Variants in NUDT3 observed in about 807,000 individuals in gnomAD.
NUDT3 encodes diphosphoinositol polyphosphate phosphohydrolase 1.
A neutral mutation model predicts 23.6 loss-of-function variants in NUDT3; 9 were observed. That is an observed-to-expected ratio of 0.38 (90% CI 0.23 to 0.66). The LOEUF (loss-of-function observed/expected upper bound fraction) is 0.66. Among genes scored for constraint, NUDT3 ranks in the 30% least tolerant of loss-of-function variants. The probability of loss-of-function intolerance (pLI) is 0.52; values close to 1 mark genes in which losing one functional copy is unlikely to be tolerated. For synonymous variants in NUDT3, 86 were observed against 82.6 expected (o/e 1.04, Z -0.22); for missense variants, 172 against 218.5 (o/e 0.79, Z 1.34).
At chr6:34,342,912 C>A (rs562161748) in intron 1 of NUDT3, among the ~76,000 whole-genome samples, 11 of 152,292 alleles carry the variant, frequency 7.2e-5, no homozygotes, top group African/African-American at 2.6e-4. Flanking sequence ...TTCCAGTCAT[C>A]CCCAGCCTCT....
intron 1 of NUDT3, among the ~76,000 whole-genome samples, chr6:34,354,499 G>C (rs1273802291): frequency 1.3e-5 from 2 of 151,744 alleles, no homozygotes; most frequent in African/African-American, 4.8e-5. Context: ...GAGGCAGATG[G>C]ATTTCTTGAG....
intron 1 of NUDT3, among the ~76,000 whole-genome samples, chr6:34,367,945 G>GT (rs1375559788): frequency 2.0e-5 from 3 of 152,218 alleles, no homozygotes; most frequent in Non-Finnish European, 4.4e-5. Flanking sequence ...GCTCACGCCT[G>GT]TAATTCCAGC....
chr6:34,328,417 T>C (rs765383665), intron 2 of NUDT3, among the ~76,000 whole-genome samples: 4 of 152,250 alleles, frequency 2.6e-5, no homozygotes, highest in Non-Finnish European at 4.4e-5. Flanking sequence ...CCCACTCCAC[T>C]ATAGCTTACC....
intron 1 of NUDT3, among the ~76,000 whole-genome samples, chr6:34,369,740 A>G (rs1336029203): frequency 1.3e-5 from 2 of 152,082 alleles, no homozygotes; most frequent in Non-Finnish European, 1.5e-5. Context: ...TCTACTGAAT[A>G]TTATAACTTA....
rs918727235 is a variant in NUDT3, at chr6:34,355,041, T to C, written c.100-13069A>G. ...ATTTCTCATTCATGCCTTACTGAAC[T>C]GGCTGGGGCTTCCAGAATAATGTTG... On this transcript the variant is annotated intron_variant, in intron 1 of 4. Coordinates refer to ENST00000607016, the MANE Select transcript of NUDT3 (RefSeq NM_006703.4). Among the ~76,000 whole-genome samples, 97 of 152,006 alleles carry C rather than the reference T, an allele frequency of 6.4e-4. 1 individual carries two copies. Among genetic ancestry groups the C allele is most frequent in the Non-Finnish European group, 8.8e-5 (6 of 67,988 alleles).
intron 2 of NUDT3, among the ~76,000 whole-genome samples, chr6:34,340,077 T>TA (rs1234499688): frequency 6.6e-6 from 1 of 152,128 alleles, no homozygotes; most frequent in East Asian, 1.9e-4. Context: ...TTCTCTCAAA[T>TA]AAAGAGACCC....
At chr6:34,338,159 G>A (rs1235769765) in intron 2 of NUDT3, among the ~76,000 whole-genome samples, 1 of 152,230 alleles carries the variant, frequency 6.6e-6, no homozygotes, top group African/African-American at 2.4e-5. Flanking sequence ...AGGTCTGACA[G>A]GAAAGTGGGA....
intron 1 of NUDT3, among the ~76,000 whole-genome samples, chr6:34,357,458 A>G (rs1764580088): frequency 6.6e-6 from 1 of 152,024 alleles, no homozygotes; most frequent in Non-Finnish European, 1.5e-5. Flanking sequence ...CTAAAAACTA[A>G]AAAATTAGCG....
At chr6:34,302,728 C>T (rs570780272) in intron 2 of NUDT3, among the ~76,000 whole-genome samples, 85 of 152,016 alleles carry the variant, frequency 5.6e-4, no homozygotes, top group African/African-American at 1.9e-3. Context: ...CGAGAGACTC[C>T]GTCTCAAAAA....
intron 2 of NUDT3, among the ~76,000 whole-genome samples, chr6:34,306,573 T>C (rs1055681275): frequency 6.6e-6 from 1 of 152,244 alleles, no homozygotes; most frequent in Non-Finnish European, 1.5e-5. Context: ...CACAACTGTT[T>C]TGGAAGACTC....
intron 2 of NUDT3, among the ~76,000 whole-genome samples, chr6:34,335,751 T>C (rs1303824568): frequency 6.8e-6 from 1 of 147,616 alleles, no homozygotes; most frequent in Non-Finnish European, 1.5e-5. Context: ...GAAAATGCTG[T>C]GTTTTTTTTT....
chr6:34,390,221 G>A (rs1765175141), intron 1 of NUDT3, among the ~76,000 whole-genome samples: 1 of 151,234 alleles, frequency 6.6e-6, no homozygotes, highest in South Asian at 2.1e-4. Context: ...CTGAACCTGG[G>A]AGGCAGAGGT....
chr6:34,357,443 T>C (rs1182133626), intron 1 of NUDT3, among the ~76,000 whole-genome samples: 1 of 151,890 alleles, frequency 6.6e-6, no homozygotes, highest in Non-Finnish European at 1.5e-5. Flanking sequence ...CAAAACCTTA[T>C]CTTTCTAAAA....
At chr6:34,383,471 T>C (rs1765056910) in intron 1 of NUDT3, among the ~76,000 whole-genome samples, 1 of 152,140 alleles carries the variant, frequency 6.6e-6, no homozygotes, top group African/African-American at 2.4e-5. Flanking sequence ...CACCACATCC[T>C]AGACATCCCC....
chr6:34,311,836 A>G (rs978884584), intron 2 of NUDT3, among the ~76,000 whole-genome samples: 2 of 152,242 alleles, frequency 1.3e-5, no homozygotes, highest in Non-Finnish European at 2.9e-5. Flanking sequence ...TGTCTTTTCT[A>G]CATATGATGC....
intron 4 of NUDT3, among the ~76,000 whole-genome samples, chr6:34,292,478 C>T (rs547685596): frequency 1.3e-5 from 2 of 152,104 alleles, no homozygotes; most frequent in East Asian, 3.9e-4. Context: ...AAGATGTAAA[C>T]GTAACAGCCA....
chr6:34,347,950 C>A (rs958387807), intron 1 of NUDT3, among the ~76,000 whole-genome samples: 1 of 151,270 alleles, frequency 6.6e-6, no homozygotes, highest in Non-Finnish European at 1.5e-5. Flanking sequence ...GCCTGGGCAA[C>A]ATACTGAAAC....
At chr6:34,296,947 T>A (rs1763509650) in intron 2 of NUDT3, among the ~76,000 whole-genome samples, 1 of 151,464 alleles carries the variant, frequency 6.6e-6, no homozygotes, top group Admixed American at 6.6e-5. Flanking sequence ...TTTTTTTTTT[T>A]TTTTGAGACA....
intron 2 of NUDT3, among the ~76,000 whole-genome samples, chr6:34,298,184 A>C (rs1763544533): frequency 6.6e-6 from 1 of 152,090 alleles, no homozygotes; most frequent in Non-Finnish European, 1.5e-5. Flanking sequence ...CAATAAGGTG[A>C]AACCCCATCT....
Sources: allele counts gnomAD v4.1 joint callset (sites outside exome capture counted in the v4.1 genomes callset), GRCh38; gene constraint gnomAD v4.1.1; transcripts MANE v1.5; gene names NCBI Gene and HGNC (gene_info 2026-07-23, HGNC 2026-07-21).